Variants in EYS observed in about 807,000 individuals in gnomAD.
EYS encodes protein eyes shut homolog.
Under a neutral mutation model 282.1 loss-of-function variants are expected in EYS, and 250 were observed. That is an observed-to-expected ratio of 0.89 (90% CI 0.80 to 0.98). EYS has a LOEUF of 0.98. Ranked by LOEUF, EYS falls within the 50% of genes least tolerant of loss-of-function variation. The probability of loss-of-function intolerance (pLI) is 0.00; values close to 1 mark genes in which losing one functional copy is unlikely to be tolerated. For missense variants in EYS, 4,016 were observed against 3,709.0 expected (o/e 1.08, Z -2.15); for synonymous variants, 1,355 against 1,282.9 (o/e 1.06, Z -1.20).
intron 14 of EYS, among the ~76,000 whole-genome samples, chr6:64,948,015 A>C (rs1477869800): frequency 1.3e-5 from 2 of 151,848 alleles, no homozygotes; most frequent in Non-Finnish European, 2.9e-5. Flanking sequence ...TTAAATTCAT[A>C]TATTTCTTAA....
At chr6:65,337,433 T>C (rs78145696) in intron 10 of EYS, among the ~76,000 whole-genome samples, 1,929 of 151,428 alleles carry the variant, frequency 0.013, 37 homozygotes, top group African/African-American at 0.044. Context: ...AGGAGCACTT[T>C]TATAACTGGC....
intron 36 of EYS, among the ~76,000 whole-genome samples, chr6:63,826,855 A>AAAAAAAAAG (rs1326047018): frequency 1.1e-4 from 16 of 150,970 alleles, no homozygotes; most frequent in African/African-American, 3.6e-4. Context: ...CAAAAAAAAA[A>AAAAAAAAAG]AAAAAAAAAG....
chr6:64,898,453 G>A (rs1371715355), intron 18 of EYS, among the ~76,000 whole-genome samples: 1 of 152,018 alleles, frequency 6.6e-6, no homozygotes, highest in Non-Finnish European at 1.5e-5. Flanking sequence ...CCTGAAGGAG[G>A]CATTAAACAT....
At chr6:65,574,043 C>A (rs1764571659) in intron 2 of EYS, among the ~76,000 whole-genome samples, 1 of 152,144 alleles carries the variant, frequency 6.6e-6, no homozygotes. Flanking sequence ...AGACAGTAAC[C>A]AACATGGCAG....
chr6:65,076,154 T>C (rs1277874667), intron 12 of EYS, among the ~76,000 whole-genome samples: 1 of 151,980 alleles, frequency 6.6e-6, no homozygotes, highest in African/African-American at 2.4e-5. Flanking sequence ...CAAATTAAGT[T>C]CTCCAAAGAA....
intron 15 of EYS, among the ~76,000 whole-genome samples, chr6:64,921,370 A>ATTTG (rs1768342775): frequency 1.3e-5 from 2 of 152,200 alleles, no homozygotes; most frequent in Non-Finnish European, 2.9e-5. Context: ...ATAACACTCA[A>ATTTG]ATTGTCTTAT....
At chr6:65,507,563 A>G (rs1766701922) in intron 2 of EYS, among the ~76,000 whole-genome samples, 1 of 152,108 alleles carries the variant, frequency 6.6e-6, no homozygotes, top group Admixed American at 6.6e-5. Context: ...TTACAATAAC[A>G]CATAATACAC....
intron 12 of EYS, 137 bp from the exon 13 acceptor site, chr6:65,057,864 A>G: frequency 1.6e-6 from 1 of 639,098 alleles, no homozygotes; most frequent in East Asian, 2.7e-5. Context: ...AGAATGCCAC[A>G]TATATTACTA....
chr6:64,306,452 C>T (rs1769447667), intron 30 of EYS, among the ~76,000 whole-genome samples: 1 of 152,118 alleles, frequency 6.6e-6, no homozygotes, highest in Non-Finnish European at 1.5e-5. Flanking sequence ...CTTACCAATG[C>T]ATGAATGACT....
chr6:64,454,013 TAA>T (rs200909643), intron 26 of EYS, among the ~76,000 whole-genome samples: 1 of 150,084 alleles, frequency 6.7e-6, no homozygotes. Context: ...ATAATAATAA[TAA>T]AAAAAAAATT....
chr6:64,224,345 T>C (rs1766193961), intron 31 of EYS, among the ~76,000 whole-genome samples: 1 of 152,054 alleles, frequency 6.6e-6, no homozygotes, highest in Non-Finnish European at 1.5e-5. Flanking sequence ...TATTCTACTC[T>C]CAGATCTATC....
intron 13 of EYS, among the ~76,000 whole-genome samples, chr6:65,027,568 A>G (rs1342377528): frequency 6.6e-6 from 1 of 152,190 alleles, no homozygotes; most frequent in Non-Finnish European, 1.5e-5. Context: ...AAACAATCCC[A>G]ATCTCAACTT....
intron 12 of EYS, among the ~76,000 whole-genome samples, chr6:65,104,128 G>A (rs1774968908): frequency 6.6e-6 from 1 of 151,296 alleles, no homozygotes; most frequent in Admixed American, 6.6e-5. Context: ...ATTTTCAAAG[G>A]AGTTTATGTT....
At chr6:65,174,522 T>C (rs1765181226) in intron 12 of EYS, among the ~76,000 whole-genome samples, 1 of 151,340 alleles carries the variant, frequency 6.6e-6, no homozygotes, top group African/African-American at 2.4e-5. Flanking sequence ...TGATTTATGA[T>C]AATTTAAAGT....
At chr6:65,630,966 C>G (rs894184846) in intron 2 of EYS, among the ~76,000 whole-genome samples, 1 of 152,114 alleles carries the variant, frequency 6.6e-6, no homozygotes, top group Non-Finnish European at 1.5e-5. Context: ...AATGTGTATT[C>G]TTTAATGCAT....
chr6:64,307,800 TATGTATCTCATAACATC>T (rs60770661), intron 29 of EYS, among the ~76,000 whole-genome samples: 92,132 of 151,308 alleles, frequency 0.61, 28,709 homozygotes, highest in Non-Finnish European at 0.68. Context: ...TTACTACCCA[TATGTATCTCATAACATC>T]ATGTATCTCA....
chr6:64,240,035 C>A (rs1766749170), intron 30 of EYS, among the ~76,000 whole-genome samples: 1 of 151,998 alleles, frequency 6.6e-6, no homozygotes, highest in Non-Finnish European at 1.5e-5. Flanking sequence ...GCTTGTTTTT[C>A]TCAGGTTTTT....
chr6:64,043,168 A>C (rs982929526), intron 33 of EYS, among the ~76,000 whole-genome samples: 2 of 152,232 alleles, frequency 1.3e-5, no homozygotes, highest in African/African-American at 4.8e-5. Flanking sequence ...TAAACTAATG[A>C]TAAAATACCA....
intron 14 of EYS, among the ~76,000 whole-genome samples, chr6:64,972,030 CA>C (rs893063917): frequency 3.5e-4 from 53 of 152,150 alleles, no homozygotes; most frequent in African/African-American, 1.2e-3. Flanking sequence ...AAAACATGGT[CA>C]GGGGGTAAAG....
Sources: allele counts gnomAD v4.1 joint callset (sites outside exome capture counted in the v4.1 genomes callset), GRCh38; gene constraint gnomAD v4.1.1; transcripts MANE v1.5; gene names NCBI Gene and HGNC (gene_info 2026-07-23, HGNC 2026-07-21).